The following MGAT4C variants were observed in gnomAD, a reference collection of about 807,000 sequenced individuals.
MGAT4C encodes the protein alpha-1,3-mannosyl-glycoprotein 4-beta-N-acetylglucosaminyltransferase C.
A neutral mutation model predicts 40.1 loss-of-function variants in MGAT4C; 19 were observed. The observed-to-expected ratio is 0.47, with a 90% CI of 0.33 to 0.70. The LOEUF (loss-of-function observed/expected upper bound fraction) is 0.70, where lower values mean the gene tolerates loss of function less well. Ranked by LOEUF, MGAT4C falls within the 30% of genes least tolerant of loss-of-function variation. The pLI, the probability that MGAT4C is intolerant of heterozygous loss-of-function variation, is 0.02. For synonymous variants in MGAT4C, 181 were observed against 187.1 expected, an observed-to-expected ratio of 0.97 and a Z score of 0.27; for missense variants, 491 against 563.2, an observed-to-expected ratio of 0.87 and a Z score of 1.30.
rs113640050 is a variant in MGAT4C at position 86,142,709 on chromosome 12, CT to C, written c.-56-92987del. ...ATGGAGAGAGGCATTGTGGTCCATT[CT>C]TTTTTTTTTTTGTTTTTTTTGTGGA... is the stretch of plus-strand genomic sequence containing the variant. On this transcript the variant is annotated intron_variant, in intron 1 of 4. Coordinates refer to ENST00000611864, the MANE Select transcript of MGAT4C (RefSeq NM_001351288.2). 4.8e-3 allele frequency among the ~76,000 whole-genome samples: 674 copies of C among 139,782 alleles called. 4 individuals are homozygous for C. The highest frequency in any genetic ancestry group is 0.013 in the African/African-American group (522 of 38,802). 91.7% of individuals were successfully genotyped at this position (139,782 alleles called of 152,430 possible).
At chr12:86,630,172 C>G (rs11610247) in intron 2 of MGAT4C, among the ~76,000 whole-genome samples, 7 of 151,864 alleles carry the variant, frequency 4.6e-5, no homozygotes, top group African/African-American at 1.7e-4. Context: ...ATAAATTCCT[C>G]GACACATACA....
At chr12:86,365,276 T>C (rs562576183) in intron 3 of MGAT4C, among the ~76,000 whole-genome samples, 54 of 152,204 alleles carry the variant, frequency 3.5e-4, no homozygotes, top group Non-Finnish European at 6.0e-4. Context: ...ATGTTATCTC[T>C]CTTGTTCCCT....
chr12:86,712,520 G>T (rs1950575214), intron 2 of MGAT4C, among the ~76,000 whole-genome samples: 1 of 152,080 alleles, frequency 6.6e-6, no homozygotes, highest in South Asian at 2.1e-4. Flanking sequence ...AGGGGATGCT[G>T]GAATCTCTTG....
At chr12:86,790,458 T>C (rs924422005) in intron 1 of MGAT4C, among the ~76,000 whole-genome samples, 3 of 152,128 alleles carry the variant, frequency 2.0e-5, no homozygotes, top group Admixed American at 6.6e-5. Context: ...AGTTTTATTT[T>C]GGGTTTTGCT....
At chr12:86,675,766 T>A (rs1964378190) in intron 2 of MGAT4C, among the ~76,000 whole-genome samples, 1 of 152,180 alleles carries the variant, frequency 6.6e-6, no homozygotes. Flanking sequence ...TAATATGTCA[T>A]AATGAGATGA....
At chr12:86,623,574 A>G (rs1230758300) in intron 2 of MGAT4C, among the ~76,000 whole-genome samples, 1 of 152,176 alleles carries the variant, frequency 6.6e-6, no homozygotes. Context: ...TAATTTTTTT[A>G]AGAATTTCAT....
At chr12:86,207,365 T>C (rs1908103) in intron 1 of MGAT4C, among the ~76,000 whole-genome samples, 12,686 of 152,160 alleles carry the variant, frequency 0.083, 633 homozygotes, top group Middle Eastern at 0.22. Flanking sequence ...TGGTGGTTCA[T>C]TGCACCTATC....
chr12:86,594,342 A>G (rs1416707076), intron 2 of MGAT4C, among the ~76,000 whole-genome samples: 1 of 152,066 alleles, frequency 6.6e-6, no homozygotes, highest in Non-Finnish European at 1.5e-5. Context: ...CAATTTTAGT[A>G]TATTTAAAAA....
At chr12:86,781,926 T>C (rs1253472786) in intron 1 of MGAT4C, among the ~76,000 whole-genome samples, 5 of 66,766 alleles carry the variant, frequency 7.5e-5, no homozygotes, top group Admixed American at 3.8e-4. Context: ...TTGTTTTTTC[T>C]ATTTTACCTA....
intron 1 of MGAT4C, among the ~76,000 whole-genome samples, chr12:86,834,645 C>T (rs1373938181): frequency 1.3e-5 from 2 of 151,176 alleles, no homozygotes; most frequent in African/African-American, 4.8e-5. Flanking sequence ...CACCCCTTTA[C>T]AGATTAGGAA....
In MGAT4C at chr12:86,760,953, T is replaced by C. The variant is rs969330120; in HGVS notation, c.-261-33712A>G. On this transcript the variant is annotated intron_variant, in intron 1 of 7. Transcript: ENST00000548651. ...TTGTGGCAAGATTTGTAGGAAGAGATAACTCAAAGATACAAGGTAACTTTT... is the reference window on the plus strand; with the variant it reads ...TTGTGGCAAGATTTGTAGGAAGAGACAACTCAAAGATACAAGGTAACTTTT... Among the ~76,000 whole-genome samples the C allele has an allele frequency of 1.6e-4, 25 of 152,210 alleles. 3 individuals carry two copies. The highest frequency in any genetic ancestry group is 1.5e-3 in the Admixed American group (23 of 15,278).
chr12:86,735,933 A>G (rs1950978916), intron 1 of MGAT4C, among the ~76,000 whole-genome samples: 1 of 151,792 alleles, frequency 6.6e-6, no homozygotes, highest in South Asian at 2.1e-4. Context: ...ATATGTTTTT[A>G]CCCAAAGTGG....
intron 2 of MGAT4C, among the ~76,000 whole-genome samples, chr12:86,579,999 T>C (rs1234484852): frequency 2.5e-5 from 1 of 40,266 alleles, no homozygotes; most frequent in East Asian, 2.4e-3. Flanking sequence ...GGGAGTTTGA[T>C]TATTAAATGC....
At chr12:85,995,810 T>G (rs180767149) in intron 2 of MGAT4C, among the ~76,000 whole-genome samples, 9 of 152,298 alleles carry the variant, frequency 5.9e-5, no homozygotes, top group African/African-American at 1.9e-4. Context: ...CAAGCCTGCA[T>G]GCAGTGAGCT....
At chr12:86,638,237 T>C (rs1014076244) in intron 2 of MGAT4C, among the ~76,000 whole-genome samples, 1 of 151,926 alleles carries the variant, frequency 6.6e-6, no homozygotes, top group African/African-American at 2.4e-5. Context: ...AATATCTTCC[T>C]GAAAATACCA....
intron 2 of MGAT4C, among the ~76,000 whole-genome samples, chr12:86,445,679 A>G (rs1957321293): frequency 6.6e-6 from 1 of 152,190 alleles, no homozygotes; most frequent in Non-Finnish European, 1.5e-5. Context: ...CTTTTAAAAT[A>G]TTTACATAAT....
chr12:86,433,598 A>G (rs1281446752), intron 3 of MGAT4C, among the ~76,000 whole-genome samples: 1 of 151,876 alleles, frequency 6.6e-6, no homozygotes, highest in Non-Finnish European at 1.5e-5. Flanking sequence ...TTAAACTAGA[A>G]TCTCTTTCAG....
At chr12:86,545,978 A>G (rs917526229) in intron 2 of MGAT4C, among the ~76,000 whole-genome samples, 3 of 152,018 alleles carry the variant, frequency 2.0e-5, no homozygotes, top group African/African-American at 7.2e-5. Flanking sequence ...ATCATGATAT[A>G]AAATTACCAG....
chr12:86,358,570 A>G (rs1955373218), intron 3 of MGAT4C, among the ~76,000 whole-genome samples: 1 of 152,202 alleles, frequency 6.6e-6, no homozygotes, highest in African/African-American at 2.4e-5. Flanking sequence ...AGTGTGCCGT[A>G]TTCAGGAGGC....
Sources: gnomAD v4.1 joint callset for allele counts (sites outside exome capture counted in the v4.1 genomes callset) on GRCh38, gnomAD v4.1.1 for gene constraint, MANE v1.5 for transcripts, NCBI Gene and HGNC (gene_info 2026-07-23, HGNC 2026-07-21) for gene names.